DOCK7: variants seen among roughly 807,000 people sequenced by gnomAD.
DOCK7 encodes dedicator of cytokinesis protein 7.
Under a neutral mutation model 271.0 loss-of-function variants are expected in DOCK7, and 138 were observed. The observed-to-expected ratio is 0.51, with a 90% CI of 0.44 to 0.59. The LOEUF is 0.59. Ranked by LOEUF, DOCK7 falls within the 20% of genes least tolerant of loss-of-function variation. The pLI is 0.00. For synonymous variants in DOCK7, 823 were observed against 876.1 expected, an observed-to-expected ratio of 0.94 and a Z score of 1.07; for missense variants, 2,066 against 2,592.4, an observed-to-expected ratio of 0.80 and a Z score of 4.41.
In DOCK7 at chr1:62,584,529, AC is replaced by A. The variant is rs1647274611; in HGVS notation, c.1801-1276del. 2.7e-6 allele frequency: 3 copies of A among 1,121,628 alleles called. No homozygotes were observed. The East Asian group carries it at 1.8e-4, about 66-fold the overall frequency. 69.5% of individuals were successfully genotyped at this position (1,121,628 alleles called of 1,614,324 possible). On this transcript the variant is annotated intron_variant, in intron 15 of 49. Coordinates refer to ENST00000635253, the MANE Select transcript of DOCK7 (RefSeq NM_001367561.1). ...AACACACAAGTAAAAGAAATGCAAT[AC>A]CTTTTTTCCCTCTGAGAAGCTATCA...
intron 14 of DOCK7, among the ~76,000 whole-genome samples, chr1:62,613,430 C>T (rs938922615): frequency 3.3e-5 from 5 of 151,950 alleles, no homozygotes; most frequent in Non-Finnish European, 5.9e-5. Context: ...GGTAGGGAGG[C>T]GCGGGGAACG....
At position 62,490,601 on chromosome 1, in the gene DOCK7, A is replaced by G. The variant is rs560786084; in HGVS notation, c.5362-1536T>C. ...GTACTAGTGAAATATGTTTAGTGTAACTAAAATGCTCCAGTAATTATTTTA... is the reference window on the plus strand; with the variant it reads ...GTACTAGTGAAATATGTTTAGTGTAGCTAAAATGCTCCAGTAATTATTTTA... On this transcript the variant is annotated intron_variant, in intron 41 of 49. Transcript: ENST00000635253. Among the ~76,000 whole-genome samples, 98 of 152,336 alleles carry G rather than the reference A, an allele frequency of 6.4e-4. 1 individual carries two copies. The South Asian group carries it at 0.013, about 20-fold the overall frequency.
intron 22 of DOCK7, 103 bp from the exon 23 acceptor site, chr1:62,545,142 T>A (rs1411571353): frequency 8.7e-7 from 1 of 1,151,054 alleles, no homozygotes; most frequent in African/African-American, 1.6e-5. Flanking sequence ...CAAACATGTT[T>A]TTAATTAGTA....
At chr1:62,496,976 C>T (rs1002837476) in intron 37 of DOCK7, among the ~76,000 whole-genome samples, 3 of 152,066 alleles carry the variant, frequency 2.0e-5, no homozygotes, top group African/African-American at 7.2e-5. Flanking sequence ...CAGTTTATAA[C>T]TTACATTCTT....
Position 62,582,684 on chromosome 1 carries a change from C to A in DOCK7, c.1871+500G>T, listed in dbSNP as rs1384896688. Among the ~76,000 whole-genome samples, 4 of 144,142 alleles carry A rather than the reference C, an allele frequency of 2.8e-5. No homozygotes were observed. The South Asian group carries it at 9.5e-4, about 34-fold the overall frequency. 94.6% of individuals were successfully genotyped at this position (144,142 alleles called of 152,430 possible). A position where few individuals can be genotyped will look rare whatever the true frequency, so the allele number is the denominator to read the frequency against. On this transcript the variant is annotated intron_variant, in intron 16 of 49. Coordinates refer to ENST00000635253, the MANE Select transcript of DOCK7 (RefSeq NM_001367561.1). Reference sequence around the variant, plus strand: ...CAATTTGTGATAGTCCTGATTAGTACAATTTTGTGATTTTTCCCCAACAGT... The same window carrying A: ...CAATTTGTGATAGTCCTGATTAGTAAAATTTTGTGATTTTTCCCCAACAGT...
intron 1 of DOCK7, among the ~76,000 whole-genome samples, chr1:62,670,770 A>G (rs1458794696): frequency 1.7e-4 from 26 of 148,952 alleles, no homozygotes; most frequent in African/African-American, 5.9e-4. Context: ...AGGCCACTCG[A>G]CTCTACCAAT....
chr1:62,544,024 C>G (rs1557693283), intron 23 of DOCK7, among the ~76,000 whole-genome samples: 1 of 151,872 alleles, frequency 6.6e-6, no homozygotes, highest in Non-Finnish European at 1.5e-5. Context: ...AAACTTTTAT[C>G]TGTGTGATCT....
At chr1:62,614,212 G>A (rs1652161218) in intron 14 of DOCK7, among the ~76,000 whole-genome samples, 1 of 152,024 alleles carries the variant, frequency 6.6e-6, no homozygotes. Flanking sequence ...GGAACTTTCT[G>A]TAAATTATTG....
intron 22 of DOCK7, among the ~76,000 whole-genome samples, chr1:62,552,123 C>T (rs561826941): frequency 2.0e-5 from 3 of 151,636 alleles, no homozygotes; most frequent in East Asian, 1.9e-4. Context: ...AATAATGCTA[C>T]GTACTACCTG....
intron 9 of DOCK7, 52 bp from the exon 10 acceptor site, chr1:62,633,630 A>T (rs761235047): frequency 9.1e-6 from 12 of 1,316,514 alleles, no homozygotes; most frequent in Non-Finnish European, 1.3e-5. Context: ...CTGAAATTCA[A>T]GGATGGTTCA....
intron 7 of DOCK7, among the ~76,000 whole-genome samples, chr1:62,644,732 A>G (rs1054939962): frequency 1.3e-5 from 2 of 152,238 alleles, no homozygotes; most frequent in Non-Finnish European, 2.9e-5. Context: ...TCAAAAATAT[A>G]TCAGTTTCTA....
intron 31 of DOCK7, among the ~76,000 whole-genome samples, chr1:62,523,544 A>G (rs1160021836): frequency 6.6e-6 from 1 of 152,346 alleles, no homozygotes; most frequent in East Asian, 1.9e-4. Flanking sequence ...AGAAAATATT[A>G]GCTGCAAGAC....
intron 1 of DOCK7, among the ~76,000 whole-genome samples, chr1:62,681,422 T>G (rs1333793421): frequency 6.8e-6 from 1 of 146,830 alleles, no homozygotes; most frequent in Admixed American, 6.8e-5. Context: ...CATTAGGAGA[T>G]ATACCTACTG....
chr1:62,463,931 T>G (rs1218684970), intron 48 of DOCK7, among the ~76,000 whole-genome samples: 3 of 152,212 alleles, frequency 2.0e-5, no homozygotes, highest in African/African-American at 7.2e-5. Flanking sequence ...CTTCCTATTC[T>G]TTAACAGCAA....
At chr1:62,621,937 C>T (rs1368883105) in intron 12 of DOCK7, among the ~76,000 whole-genome samples, 3 of 152,118 alleles carry the variant, frequency 2.0e-5, no homozygotes, top group Non-Finnish European at 2.9e-5. Flanking sequence ...TTTTCTCTTT[C>T]GGTACTTATT....
At chr1:62,545,498 C>T (rs1051300145) in intron 22 of DOCK7, among the ~76,000 whole-genome samples, 1 of 152,050 alleles carries the variant, frequency 6.6e-6, no homozygotes, top group Non-Finnish European at 1.5e-5. Flanking sequence ...TGCAGTGATA[C>T]CCCATAATTC....
At chr1:62,593,940 A>AT in intron 14 of DOCK7, among the ~76,000 whole-genome samples, 1 of 152,320 alleles carries the variant, frequency 6.6e-6, no homozygotes, top group Admixed American at 6.5e-5. Flanking sequence ...ACATATCTCC[A>AT]TAAGATTACA....
At chr1:62,489,220 C>T (rs562111815) in intron 41 of DOCK7, among the ~76,000 whole-genome samples, 155 bp from the exon 42 acceptor site, 3 of 152,216 alleles carry the variant, frequency 2.0e-5, no homozygotes, top group South Asian at 4.2e-4. Context: ...GAGGCCGAGG[C>T]GGGTGGATCA....
At chr1:62,549,957 A>G (rs1021228403) in intron 22 of DOCK7, among the ~76,000 whole-genome samples, 6 of 152,180 alleles carry the variant, frequency 3.9e-5, no homozygotes, top group Admixed American at 3.9e-4. Context: ...ATTTCACTTA[A>G]TATGATGATC....
Sources: allele counts gnomAD v4.1 joint callset (sites outside exome capture counted in the v4.1 genomes callset), GRCh38; gene constraint gnomAD v4.1.1; transcripts MANE v1.5; gene names NCBI Gene and HGNC (gene_info 2026-07-23, HGNC 2026-07-21).